The following OSBP variants were observed in gnomAD, a reference collection of about 807,000 sequenced individuals.
OSBP encodes the protein oxysterol-binding protein 1.
In OSBP, 32 loss-of-function variants were observed where a neutral mutation model predicts 96.6. The ratio of observed to expected loss-of-function variants is 0.33; its 90% confidence interval spans 0.25 to 0.45. The LOEUF (loss-of-function observed/expected upper bound fraction) is 0.45, where lower values mean the gene tolerates loss of function less well. Ranked by LOEUF, OSBP falls within the 20% of genes least tolerant of loss-of-function variation. The pLI, the probability that OSBP is intolerant of heterozygous loss-of-function variation, is 1.00. For missense variants in OSBP, 653 were observed against 1,029.7 expected, an observed-to-expected ratio of 0.63 and a Z score of 5.01; for synonymous variants, 369 against 389.6, an observed-to-expected ratio of 0.95 and a Z score of 0.62.
rs1860920537 is a variant in OSBP, at chr11:59,615,721, C to A, written c.-57G>T. 1 of 1,250,048 alleles carries A rather than the reference C, an allele frequency of 8.0e-7. No individual in the cohort carries two copies. Among genetic ancestry groups the A allele is most frequent in the Non-Finnish European group, 1.0e-6 (1 of 997,186 alleles). The allele number at this position is 1,250,048 out of a possible 1,614,324, so 77.4% of individuals were successfully genotyped here. On this transcript the variant is annotated 5_prime_UTR_variant, in exon 1 of 14. Coordinates refer to ENST00000263847, the MANE Select transcript of OSBP (RefSeq NM_002556.3). ...AACCGCCTACGAGAGCCGCCGTCGC[C>A]GCCCGGAGCGCCCCACACGGCTACC...
chr11:59,584,645 C>T (rs539188503), intron 9 of OSBP, among the ~76,000 whole-genome samples: 2 of 152,180 alleles, frequency 1.3e-5, no homozygotes, highest in South Asian at 2.1e-4. Flanking sequence ...AATACCTCAC[C>T]ATAATAAAAG....
At chr11:59,607,931 G>A (rs1860802683) in intron 3 of OSBP, among the ~76,000 whole-genome samples, 1 of 152,084 alleles carries the variant, frequency 6.6e-6, no homozygotes, top group Non-Finnish European at 1.5e-5. Context: ...CGAATTCAAG[G>A]ACTAAAGATG....
intron 2 of OSBP, among the ~76,000 whole-genome samples, chr11:59,609,222 T>A (rs12270684): frequency 7.4e-4 from 112 of 152,238 alleles, no homozygotes; most frequent in African/African-American, 2.6e-3. Flanking sequence ...ATTAAATGAG[T>A]TGAGAATCAC....
At chr11:59,579,386 T>C (rs1034246230) in intron 11 of OSBP, among the ~76,000 whole-genome samples, 2 of 151,174 alleles carry the variant, frequency 1.3e-5, no homozygotes, top group African/African-American at 4.9e-5. Flanking sequence ...CAGGCTGGAG[T>C]GCAATGGCGT....
chr11:59,576,797 T>A lies in OSBP; in HGVS notation c.2281+8A>T, dbSNP rs750405731. The A allele has an allele frequency of 6.2e-7, 1 of 1,613,128 alleles. No homozygotes were observed. Among genetic ancestry groups the A allele is most frequent in the South Asian group, 1.1e-5 (1 of 91,022 alleles). On this transcript the variant is annotated splice_region_variant and intron_variant, in intron 13 of 13. Coordinates refer to ENST00000263847, the MANE Select transcript of OSBP (RefSeq NM_002556.3). The stretch of plus-strand genomic sequence containing the variant: ...TCAAGAAAGAAGAGTAGAAGGGAAG[T>A]TCATTACCATCCTCTGTGGCTTTCA...
rs374706207 is a variant in OSBP at position 59,601,853 on chromosome 11, C to G, written c.823-15G>C. 1 of 1,611,792 alleles carries G rather than the reference C, an allele frequency of 6.2e-7. No individual in the cohort carries two copies. The highest frequency in any genetic ancestry group is 1.3e-5 in the African/African-American group (1 of 74,826). ...TCTCTGCAGGCCTGTATGGAGAAAG[C>G]GTTGACTGTGTCAGCTCAACTAGTC... is the stretch of plus-strand genomic sequence containing the variant. On this transcript the variant is annotated splice_polypyrimidine_tract_variant and intron_variant, in intron 3 of 13. Coordinates refer to ENST00000263847, the MANE Select transcript of OSBP (RefSeq NM_002556.3).
chr11:59,601,604 C>G (rs755325034), intron 4 of OSBP, 36 bp downstream of exon 4: 1 of 1,600,266 alleles, frequency 6.2e-7, no homozygotes, highest in South Asian at 1.1e-5. Flanking sequence ...ATCTGGCTCA[C>G]CTTAGACCAG....
At chr11:59,576,744 A>G (rs775715563) in intron 13 of OSBP, 25 bp from the exon 14 acceptor site, 1 of 1,612,178 alleles carries the variant, frequency 6.2e-7, no homozygotes, top group Non-Finnish European at 8.5e-7. Context: ...GAGGAAAGAA[A>G]AAAATTAGTG....
At chr11:59,593,764 G>C (rs746752264) in intron 8 of OSBP, 40 bp from the exon 9 acceptor site, 1 of 1,610,642 alleles carries the variant, frequency 6.2e-7, no homozygotes, top group Non-Finnish European at 8.5e-7. Context: ...GCAGAAAGGA[G>C]AAGAAAAAGA....
chr11:59,594,243 C>T lies in OSBP; in HGVS notation c.1324G>A (p.Glu442Lys). The T allele has an allele frequency of 6.2e-7, 1 of 1,613,934 alleles. No homozygotes were observed. The highest frequency in any genetic ancestry group is 1.1e-5 in the South Asian group (1 of 91,072). The change falls in exon 8 of 14, where the codon GAG becomes AAG. Residue 442 changes from glutamate (E) to lysine (K), a missense_variant. Around this residue, in one of 6 missense-constraint regions of OSBP, gnomAD observed 308 missense variants for 573.1 expected, o/e 0.54. Transcript: ENST00000263847. ...AGGCGCTGAAGCATGGACAAGGGCTCATTAAAGTTTACCTGTAAGGAGAAG... is the reference window on the plus strand; with the variant it reads ...AGGCGCTGAAGCATGGACAAGGGCTTATTAAAGTTTACCTGTAAGGAGAAG... ...SKIPMPVNFN[E>K]PLSMLQRLTE...
At chr11:59,603,529 G>GTTTTTTT (rs370609645) in intron 3 of OSBP, among the ~76,000 whole-genome samples, 8 of 86,760 alleles carry the variant, frequency 9.2e-5, no homozygotes, top group South Asian at 4.6e-4. Flanking sequence ...ATCACCTTCA[G>GTTTTTTT]TTTTTTTTTT....
chr11:59,585,221 A>C (rs1387003308), intron 9 of OSBP, among the ~76,000 whole-genome samples: 1 of 149,420 alleles, frequency 6.7e-6, no homozygotes, highest in Non-Finnish European at 1.5e-5. Flanking sequence ...CATCACATCT[A>C]GGAAGTGAGG....
At chr11:59,583,659 TTC>T (rs1860453917) in intron 9 of OSBP, among the ~76,000 whole-genome samples, 2 of 137,698 alleles carry the variant, frequency 1.5e-5, no homozygotes, top group African/African-American at 6.0e-5. Context: ...TTTTTTTTTT[TTC>T]GAGATGGAGT....
chr11:59,605,121 C>A (rs754037305), intron 3 of OSBP, among the ~76,000 whole-genome samples: 22 of 151,996 alleles, frequency 1.4e-4, no homozygotes, highest in Non-Finnish European at 1.8e-4. Flanking sequence ...CTATTGCACT[C>A]CAGCCTGGGT....
chr11:59,584,162 G>A (rs1327162287), intron 9 of OSBP, among the ~76,000 whole-genome samples: 1 of 151,464 alleles, frequency 6.6e-6, no homozygotes, highest in Non-Finnish European at 1.5e-5. Flanking sequence ...GCCTAAACTG[G>A]TCTTGAACTC....
chr11:59,604,069 A>C (rs894664275), intron 3 of OSBP, among the ~76,000 whole-genome samples: 5 of 152,240 alleles, frequency 3.3e-5, no homozygotes, highest in Admixed American at 2.6e-4. Flanking sequence ...GTAGGGCTCA[A>C]ATCACAGATC....
intron 1 of OSBP, among the ~76,000 whole-genome samples, chr11:59,610,931 C>T (rs533483245): frequency 1.7e-3 from 256 of 151,520 alleles, no homozygotes; most frequent in Admixed American, 2.8e-3. Context: ...GTCAGGAGTT[C>T]CAGACCGGCC....
chr11:59,581,262 CAAT>C (rs1860416890), intron 10 of OSBP, among the ~76,000 whole-genome samples, 186 bp downstream of exon 10: 1 of 152,158 alleles, frequency 6.6e-6, no homozygotes, highest in Non-Finnish European at 1.5e-5. Context: ...CATTTATAAA[CAAT>C]AATTTGTGGT....
chr11:59,589,002 C>T (rs1394147060), intron 9 of OSBP, among the ~76,000 whole-genome samples: 2 of 150,468 alleles, frequency 1.3e-5, no homozygotes, highest in African/African-American at 2.4e-5. Context: ...GAGACTCCGT[C>T]TGAAAAAAAT....
Sources: allele counts gnomAD v4.1 joint callset (sites outside exome capture counted in the v4.1 genomes callset), GRCh38; gene constraint gnomAD v4.1.1; regional missense constraint gnomAD v4.1.1; transcripts MANE v1.5; gene names NCBI Gene and HGNC (gene_info 2026-07-23, HGNC 2026-07-21).